The following RGMA variants were observed in gnomAD, a reference collection of about 807,000 sequenced individuals.
RGMA encodes the protein repulsive guidance molecule A.
In RGMA, 10 loss-of-function variants were observed where a neutral mutation model predicts 23.2. The observed-to-expected ratio is 0.43, with a 90% CI of 0.27 to 0.73. RGMA has a LOEUF of 0.73. Ranked by LOEUF, RGMA falls within the 30% of genes least tolerant of loss-of-function variation. The probability of loss-of-function intolerance (pLI) is 0.20; values close to 1 mark genes in which losing one functional copy is unlikely to be tolerated. For missense variants in RGMA, 547 were observed against 630.5 expected, an observed-to-expected ratio of 0.87 and a Z score of 1.42; for synonymous variants, 308 against 279.3, an observed-to-expected ratio of 1.10 and a Z score of -1.03.
At position 93,052,372 on chromosome 15, in the gene RGMA, G is replaced by A. The variant is rs1328146581; in HGVS notation, c.266C>T (p.Thr89Met). ...CAGGTCACCCCGGCAGGTGCGGGCC[G>A]TCCGCCGCGTGCACAGGGCGTAGCT... ...LRSYALCTRR[T>M]ARTCRGDLAY... The change falls in exon 3 of 4, where the codon ACG becomes ATG. Residue 89 changes from threonine to methionine, a missense_variant. Thr to Met is a moderately conservative substitution (Grantham distance 81). Transcript: ENST00000329082. 18 of 1,600,000 alleles carry A rather than the reference G, an allele frequency of 1.1e-5. No individual in the cohort carries two copies. Among genetic ancestry groups the A allele is most frequent in the East Asian group, 2.2e-5 (1 of 44,868 alleles).
chr15:93,080,754 C>T lies in RGMA; in HGVS notation c.15-7723G>A, dbSNP rs965483029. On this transcript the variant is annotated intron_variant, in intron 1 of 3. Transcript: ENST00000329082. Reference sequence around the variant, plus strand: ...GTATTTGGATGTATGACCCTCTTTCCTTCTTTCACACCTGTCCTTCTCGAC... The same window carrying T: ...GTATTTGGATGTATGACCCTCTTTCTTTCTTTCACACCTGTCCTTCTCGAC... Among the ~76,000 whole-genome samples, 24 of 152,080 alleles carry T rather than the reference C, an allele frequency of 1.6e-4. 1 individual carries two copies. The highest frequency in any genetic ancestry group is 6.5e-5 in the Admixed American group (1 of 15,274).
In RGMA at chr15:93,041,591, G is replaced by A. The variant is rs7164830; in HGVS notation, c.*3407C>T. ...GTGGCTAGTGCCATTTAGCATTTTCGTCTAGTAGAGATTTCTTTTTTCTTT... is the reference window on the plus strand; with the variant it reads ...GTGGCTAGTGCCATTTAGCATTTTCATCTAGTAGAGATTTCTTTTTTCTTT... On this transcript the variant is annotated 3_prime_UTR_variant, in exon 4 of 4. Transcript: ENST00000329082. 151,133 of 152,344 alleles carry A rather than the reference G, an allele frequency of 0.99. 74,979 individuals are homozygous for A. The highest frequency in any genetic ancestry group is 1 in the South Asian group (4,826 of 4,826). 9.4% of individuals were successfully genotyped at this position (152,344 alleles called of 1,614,324 possible).
intron 2 of RGMA, among the ~76,000 whole-genome samples, chr15:93,058,249 T>C (rs894425969): frequency 6.6e-6 from 1 of 152,052 alleles, no homozygotes; most frequent in Non-Finnish European, 1.5e-5. Context: ...CAGTGCCCAG[T>C]GGGAGGGTCT....
At chr15:93,064,874 A>G (rs2141830044) in intron 2 of RGMA, among the ~76,000 whole-genome samples, 1 of 152,262 alleles carries the variant, frequency 6.6e-6, no homozygotes, top group East Asian at 1.9e-4. Flanking sequence ...AAAATGCTAG[A>G]TCCTTGGAAA....
chr15:93,061,892 C>G (rs967924315), intron 2 of RGMA, among the ~76,000 whole-genome samples: 2 of 152,072 alleles, frequency 1.3e-5, no homozygotes, highest in African/African-American at 4.8e-5. Context: ...TTGCAGTGCA[C>G]GAGGGGGTGT....
At chr15:93,056,461 C>G (rs1277360121) in intron 2 of RGMA, among the ~76,000 whole-genome samples, 1 of 152,204 alleles carries the variant, frequency 6.6e-6, no homozygotes, top group Non-Finnish European at 1.5e-5. Flanking sequence ...TCCTCTCCTC[C>G]TCCCAGACCC....
intron 3 of RGMA, among the ~76,000 whole-genome samples, chr15:93,048,876 G>GT (rs2054871818): frequency 7.5e-6 from 1 of 133,800 alleles, no homozygotes; most frequent in Non-Finnish European, 1.6e-5. Flanking sequence ...TCCCTGCCTG[G>GT]TGTGCAGGGC....
At chr15:93,065,776 G>A in intron 2 of RGMA, 5 of 1,088,656 alleles carry the variant, frequency 4.6e-6, no homozygotes, top group African/African-American at 1.6e-5. Flanking sequence ...CCCACCTTCC[G>A]TGGTAGGCTG....
At chr15:93,048,728 C>T (rs1243799956) in intron 3 of RGMA, among the ~76,000 whole-genome samples, 1 of 152,144 alleles carries the variant, frequency 6.6e-6, no homozygotes, top group Non-Finnish European at 1.5e-5. Context: ...GGTTCAGCCT[C>T]CTACTTCTTC....
intron 2 of RGMA, 151 bp downstream of exon 2, chr15:93,072,765 T>A: frequency 1.1e-6 from 1 of 872,810 alleles, no homozygotes. Context: ...CACGACGGGG[T>A]GCGGGAGAAA....
chr15:93,047,029 G>A (rs1043859168), intron 3 of RGMA, among the ~76,000 whole-genome samples: 5 of 152,250 alleles, frequency 3.3e-5, no homozygotes, highest in Non-Finnish European at 7.3e-5. Flanking sequence ...TTTTCCGGAT[G>A]AGAAAATGTA....
chr15:93,051,582 G>A (rs2054920078), intron 3 of RGMA, among the ~76,000 whole-genome samples: 2 of 152,200 alleles, frequency 1.3e-5, no homozygotes, highest in African/African-American at 4.8e-5. Flanking sequence ...CCTGAGTCCT[G>A]CTGCCCACTT....
intron 2 of RGMA, among the ~76,000 whole-genome samples, chr15:93,067,204 G>T (rs976508678): frequency 6.6e-6 from 1 of 152,048 alleles, no homozygotes; most frequent in Non-Finnish European, 1.5e-5. Context: ...ATCCCTTTCA[G>T]CTTTCAGAGT....
rs114224502 is a variant in RGMA, at chr15:93,051,963, T to C, written c.645+30A>G. The stretch of plus-strand genomic sequence containing the variant: ...GCAGGGCAGAGACAAAGGGCAGGGC[T>C]GTGCCCTACAGCCGCCCCCTCCCCC... On this transcript the variant is annotated intron_variant, in intron 3 of 3. Coordinates refer to ENST00000329082, the MANE Select transcript of RGMA (RefSeq NM_020211.3). 2.1e-3 allele frequency: 3,247 copies of C among 1,556,062 alleles called. 61 individuals carry two copies. In the African/African-American group the frequency reaches 0.039, roughly 19 times the overall value.
chr15:93,066,017 GT>G, intron 2 of RGMA: 1 of 1,425,774 alleles, frequency 7.0e-7, no homozygotes, highest in Non-Finnish European at 9.8e-7. Context: ...TCTCTGCCAG[GT>G]TCTGTCCCCG....
intron 1 of RGMA, among the ~76,000 whole-genome samples, chr15:93,082,860 T>G (rs1031736203): frequency 1.3e-5 from 2 of 152,258 alleles, no homozygotes; most frequent in African/African-American, 4.8e-5. Context: ...TAAATAGATT[T>G]ACTTAAACAA....
At chr15:93,066,606 G>C (rs1230292240) in intron 2 of RGMA, 1 of 453,918 alleles carries the variant, frequency 2.2e-6, no homozygotes, top group Non-Finnish European at 4.3e-6. Context: ...GGGCATCGTC[G>C]CCGTGGGGAC....
In RGMA at chr15:93,045,613, G is replaced by A. The variant is rs1191312443; in HGVS notation, c.738C>T (p.Gly246=). ...CGTGCTTGTCCCCACCGTTCTTAGA[G>A]CCATCCACGAAGGCGGCCGGGAGCT... The part of the protein sequence containing the change: ...MDELPAAFVD[G]SKNGGDKHGA... The change falls in exon 4 of 4, where the codon GGC becomes GGT. Residue 246 remains glycine (G), a synonymous_variant. Transcript: ENST00000329082. This position sits in a 1 kb window ranked among gnomAD's most constrained non-coding sequence, Gnocchi z 6.9. The A allele has an allele frequency of 1.9e-6, 3 of 1,613,212 alleles. No homozygotes were observed. Among genetic ancestry groups the A allele is most frequent in the East Asian group, 2.2e-5 (1 of 44,876 alleles).
At chr15:93,066,572 T>G (rs1895161066) in intron 2 of RGMA, 1 of 469,296 alleles carries the variant, frequency 2.1e-6, no homozygotes. Flanking sequence ...CTGCGGGCAC[T>G]GGTACCACCA....
Sources: gnomAD v4.1 joint callset for allele counts (sites outside exome capture counted in the v4.1 genomes callset) on GRCh38, gnomAD v4.1.1 for gene constraint, Gnocchi (gnomAD v3.1) non-coding constraint, MANE v1.5 for transcripts, NCBI Gene and HGNC (gene_info 2026-07-23, HGNC 2026-07-21) for gene names.